Variants in PDE2A observed in about 807,000 individuals in gnomAD.
PDE2A encodes the protein phosphodiesterase 2A.
PDE2A carries 53 observed loss-of-function variants against 133.6 expected under a neutral mutation model. The ratio of observed to expected loss-of-function variants is 0.40; its 90% CI spans 0.32 to 0.50. The LOEUF (loss-of-function observed/expected upper bound fraction) is 0.50, where lower values mean the gene tolerates loss of function less well. Ranked by LOEUF, PDE2A falls within the 20% of genes least tolerant of loss-of-function variation. The pLI, the probability that PDE2A is intolerant of heterozygous loss-of-function variation, is 0.73. For missense variants in PDE2A, 796 were observed against 1,232.4 expected (o/e 0.65, Z 5.30); for synonymous variants, 491 against 490.2 (o/e 1.00, Z -0.02).
chr11:72,645,691 T>C (rs1859112220), intron 1 of PDE2A, among the ~76,000 whole-genome samples: 1 of 152,222 alleles, frequency 6.6e-6, no homozygotes, highest in Non-Finnish European at 1.5e-5. Flanking sequence ...AGTAGATGCA[T>C]CTCCTCCCTG....
At chr11:72,637,655 C>G (rs1858761371) in intron 2 of PDE2A, among the ~76,000 whole-genome samples, 1 of 152,218 alleles carries the variant, frequency 6.6e-6, no homozygotes, top group African/African-American at 2.4e-5. Context: ...CAGAGCAAAC[C>G]ATCAGTGGAG....
At chr11:72,624,737 A>G (rs1379547675) in intron 2 of PDE2A, among the ~76,000 whole-genome samples, 5 of 152,202 alleles carry the variant, frequency 3.3e-5, no homozygotes, top group South Asian at 2.1e-4. Context: ...GCATCACACA[A>G]TCAATATCAC....
chr11:72,635,020 C>T (rs1858610408), intron 2 of PDE2A, among the ~76,000 whole-genome samples: 1 of 152,226 alleles, frequency 6.6e-6, no homozygotes, highest in African/African-American at 2.4e-5. Flanking sequence ...CAGACCTCTC[C>T]TTCCTCCACT....
intron 2 of PDE2A, among the ~76,000 whole-genome samples, chr11:72,636,980 C>G (rs904515555): frequency 1.3e-5 from 2 of 152,338 alleles, no homozygotes; most frequent in African/African-American, 4.8e-5. Flanking sequence ...CCCATCCCCC[C>G]GGACCCAGCC....
intron 2 of PDE2A, among the ~76,000 whole-genome samples, chr11:72,640,451 GCTCCTCACCTCAGA>G (rs1440273257): frequency 4.6e-5 from 7 of 151,840 alleles, no homozygotes; most frequent in Admixed American, 3.3e-4. Flanking sequence ...TTGTCAACTG[GCTCCTCACCTCAGA>G]CCCCTCAGCC....
chr11:72,592,242 C>T (rs937484029), intron 6 of PDE2A, among the ~76,000 whole-genome samples: 4 of 152,174 alleles, frequency 2.6e-5, no homozygotes, highest in Admixed American at 1.3e-4. Flanking sequence ...TCCCCACCTG[C>T]GTCACTAGCT....
At chr11:72,614,947 G>C (rs1481947603) in intron 2 of PDE2A, 1 of 345,100 alleles carries the variant, frequency 2.9e-6, no homozygotes. Context: ...ACCTGCCAGA[G>C]ACCTTTCCTC....
In PDE2A at chr11:72,589,814, G is replaced by T. The variant is rs1856151416; in HGVS notation, c.832-22C>A. 1.9e-6 allele frequency: 3 copies of T among 1,613,034 alleles called. No individual in the cohort carries two copies. In the East Asian group the frequency reaches 6.7e-5, roughly 36 times the overall value. On this transcript the variant is annotated intron_variant, in intron 10 of 30. Coordinates refer to ENST00000334456, the MANE Select transcript of PDE2A (RefSeq NM_002599.5). ...TGACCTGAGGAACGGAGTGCAGGGG[G>T]CTGGTTAAAGGAAAGGCAATGGATT... is the stretch of plus-strand genomic sequence containing the variant.
At chr11:72,634,362 C>T (rs1007203279) in intron 2 of PDE2A, among the ~76,000 whole-genome samples, 1 of 152,186 alleles carries the variant, frequency 6.6e-6, no homozygotes, top group Non-Finnish European at 1.5e-5. Context: ...GCTCTGCTCC[C>T]TAACCTGAGC....
chr11:72,666,381 C>A (rs1855234180), intron 1 of PDE2A, among the ~76,000 whole-genome samples: 1 of 152,090 alleles, frequency 6.6e-6, no homozygotes. Flanking sequence ...TTAAGTGTGA[C>A]CATTAAGAGT....
At chr11:72,668,391 C>T in intron 1 of PDE2A, 1 of 718,594 alleles carries the variant, frequency 1.4e-6, no homozygotes, top group Non-Finnish European at 2.6e-6. Context: ...AATGAGATCA[C>T]AGGTGTGGAA....
intron 2 of PDE2A, among the ~76,000 whole-genome samples, chr11:72,641,260 C>T (rs1028325444): frequency 3.9e-5 from 6 of 152,222 alleles, no homozygotes; most frequent in African/African-American, 1.4e-4. Context: ...CCCTGGGCAT[C>T]GCCTGAGGGC....
At chr11:72,623,982 C>T (rs1011655671) in intron 2 of PDE2A, among the ~76,000 whole-genome samples, 8 of 146,754 alleles carry the variant, frequency 5.5e-5, no homozygotes, top group Admixed American at 4.1e-4. Context: ...ATTCTGCAAC[C>T]TGAGCAATCT....
chr11:72,610,128 G>A (rs529906406), intron 2 of PDE2A, among the ~76,000 whole-genome samples: 1 of 152,226 alleles, frequency 6.6e-6, no homozygotes, highest in East Asian at 1.9e-4. Context: ...GATAACCCAG[G>A]GATGCCTCAT....
chr11:72,583,564 T>A, intron 19 of PDE2A, 49 bp from the exon 20 acceptor site: 1 of 1,247,404 alleles, frequency 8.0e-7, no homozygotes, highest in Non-Finnish European at 1.2e-6. Context: ...GCTGTGAAAA[T>A]TTAGCAATGC....
Position 72,578,606 on chromosome 11 carries a change from C to G in PDE2A, c.2470-92G>C. On this transcript the variant is annotated intron_variant, in intron 28 of 30. Transcript: ENST00000334456. This position sits in a 1 kb window ranked among gnomAD's most constrained non-coding sequence, Gnocchi z 4.2. ...CCGTTCCCAGGAGAGAAAACTGAGGCCCAGGGATTCAGTCCCAGCTCAGGA... is the reference window on the plus strand; with the variant it reads ...CCGTTCCCAGGAGAGAAAACTGAGGGCCAGGGATTCAGTCCCAGCTCAGGA... 1 of 1,127,292 alleles carries G rather than the reference C, an allele frequency of 8.9e-7. No individual in the cohort carries two copies. Among genetic ancestry groups the G allele is most frequent in the Non-Finnish European group, 1.3e-6 (1 of 743,998 alleles). 69.8% of individuals were successfully genotyped at this position (1,127,292 alleles called of 1,614,324 possible). A position where few individuals can be genotyped will look rare whatever the true frequency, so the allele number is the denominator to read the frequency against.
intron 4 of PDE2A, among the ~76,000 whole-genome samples, chr11:72,600,727 G>A (rs1856706574): frequency 6.6e-6 from 1 of 152,004 alleles, no homozygotes; most frequent in African/African-American, 2.4e-5. Context: ...TGCCTTCCAG[G>A]CTCATGCTGG....
At chr11:72,634,324 G>A (rs1483355873) in intron 2 of PDE2A, among the ~76,000 whole-genome samples, 3 of 152,206 alleles carry the variant, frequency 2.0e-5, no homozygotes, top group Non-Finnish European at 2.9e-5. Flanking sequence ...CCTGTGGGAA[G>A]AGGAAGACGG....
chr11:72,663,651 C>T (rs932820946), intron 1 of PDE2A, among the ~76,000 whole-genome samples: 18 of 151,092 alleles, frequency 1.2e-4, no homozygotes, highest in African/African-American at 4.4e-4. Flanking sequence ...ATCACTTGAA[C>T]CCAGGAGGTG....
Sources: gnomAD v4.1 joint callset for allele counts (sites outside exome capture counted in the v4.1 genomes callset) on GRCh38, gnomAD v4.1.1 for gene constraint, Gnocchi (gnomAD v3.1) non-coding constraint, MANE v1.5 for transcripts, NCBI Gene and HGNC (gene_info 2026-07-23, HGNC 2026-07-21) for gene names.